ADCY2: variants seen among roughly 807,000 people sequenced by gnomAD.
ADCY2 encodes the protein adenylate cyclase type 2.
A neutral mutation model predicts 125.2 loss-of-function variants in ADCY2; 31 were observed. The ratio of observed to expected loss-of-function variants is 0.25; its 90% CI spans 0.19 to 0.33. The LOEUF (loss-of-function observed/expected upper bound fraction) is 0.33. ADCY2 is among the 10% of genes least tolerant of loss of function. The pLI is 1.00. For missense variants in ADCY2, 904 were observed against 1,418.2 expected (o/e 0.64, Z 5.82); for synonymous variants, 512 against 548.4 (o/e 0.93, Z 0.93).
chr5:7,499,995 G>A (rs1047016103), intron 2 of ADCY2, among the ~76,000 whole-genome samples: 3 of 152,048 alleles, frequency 2.0e-5, no homozygotes, highest in Admixed American at 2.0e-4. Flanking sequence ...AAGTGATTCC[G>A]GAAGGCTAAC....
At chr5:7,826,666 G>A (rs1204478236) in intron 24 of ADCY2, 53 bp from the exon 25 acceptor site, 2 of 1,612,642 alleles carry the variant, frequency 1.2e-6, no homozygotes, top group African/African-American at 1.3e-5. Flanking sequence ...AGTCAGATGG[G>A]TTGTATCAAT....
chr5:7,567,784 A>G (rs766912369), intron 3 of ADCY2, among the ~76,000 whole-genome samples: 1 of 152,178 alleles, frequency 6.6e-6, no homozygotes, highest in Non-Finnish European at 1.5e-5. Flanking sequence ...TATTCAACAC[A>G]CATTTTCTTA....
At chr5:7,720,384 G>A (rs1741720093) in intron 12 of ADCY2, among the ~76,000 whole-genome samples, 1 of 152,198 alleles carries the variant, frequency 6.6e-6, no homozygotes, top group South Asian at 2.1e-4. Flanking sequence ...ACAGCATGAT[G>A]TGTTCAGCAA....
chr5:7,813,887 C>T (rs1745018564), intron 22 of ADCY2, among the ~76,000 whole-genome samples: 1 of 152,180 alleles, frequency 6.6e-6, no homozygotes, highest in Admixed American at 6.5e-5. Flanking sequence ...GTCCTCCTTA[C>T]TTGGGCAGTT....
intron 4 of ADCY2, among the ~76,000 whole-genome samples, chr5:7,654,499 A>G (rs1290259915): frequency 1.3e-5 from 2 of 152,176 alleles, no homozygotes; most frequent in East Asian, 3.9e-4. Context: ...GGTTCCTTCC[A>G]TGAAGCTCTG....
chr5:7,466,202 A>T (rs1043712038), intron 2 of ADCY2, among the ~76,000 whole-genome samples: 6 of 152,254 alleles, frequency 3.9e-5, no homozygotes, highest in African/African-American at 1.4e-4. Flanking sequence ...GCCATATCTT[A>T]TATATTTTTT....
chr5:7,593,667 T>A (rs1167365813), intron 3 of ADCY2, among the ~76,000 whole-genome samples: 1 of 152,172 alleles, frequency 6.6e-6, no homozygotes, highest in African/African-American at 2.4e-5. Context: ...CATTCAAAAA[T>A]ATCCATTCAA....
At chr5:7,668,182 T>C (rs1179051111) in intron 4 of ADCY2, among the ~76,000 whole-genome samples, 1 of 152,246 alleles carries the variant, frequency 6.6e-6, no homozygotes, top group African/African-American at 2.4e-5. Flanking sequence ...CTAGATGTTT[T>C]TGTGAAGGTT....
intron 4 of ADCY2, among the ~76,000 whole-genome samples, chr5:7,645,278 A>G (rs1349312877): frequency 6.6e-6 from 1 of 152,208 alleles, no homozygotes; most frequent in Non-Finnish European, 1.5e-5. Context: ...AGTGCTTTAT[A>G]TCAGGATAGA....
intron 4 of ADCY2, among the ~76,000 whole-genome samples, chr5:7,680,699 G>A (rs1740300804): frequency 6.6e-6 from 1 of 152,150 alleles, no homozygotes; most frequent in African/African-American, 2.4e-5. Context: ...AAGTAAACTT[G>A]AGTTTTCATC....
At chr5:7,514,573 A>C (rs142388583) in intron 2 of ADCY2, among the ~76,000 whole-genome samples, 2 of 152,202 alleles carry the variant, frequency 1.3e-5, no homozygotes, top group Non-Finnish European at 2.9e-5. Flanking sequence ...ACATATATTG[A>C]AGTCCTAATC....
rs1302799082 is a variant in ADCY2 at position 7,827,829 on chromosome 5, C to G, written c.*958C>G. 3 of 152,392 alleles carry G rather than the reference C, an allele frequency of 2.0e-5. No homozygotes were observed. The highest frequency in any genetic ancestry group is 7.2e-5 in the African/African-American group (3 of 41,468). 9.4% of individuals were successfully genotyped at this position (152,392 alleles called of 1,614,324 possible). On this transcript the variant is annotated 3_prime_UTR_variant, in exon 25 of 25. Transcript: ENST00000338316. ...AATACTTTAATAGTAAAAAGATTCTCTGCGAGCAACAGTGCCCCCTCCGTC... is the reference window on the plus strand; with the variant it reads ...AATACTTTAATAGTAAAAAGATTCTGTGCGAGCAACAGTGCCCCCTCCGTC...
At chr5:7,434,011 A>T (rs2126382641) in intron 2 of ADCY2, among the ~76,000 whole-genome samples, 1 of 152,354 alleles carries the variant, frequency 6.6e-6, no homozygotes, top group South Asian at 2.1e-4. Flanking sequence ...GCAAACTAGT[A>T]AAGTTTTCAA....
At chr5:7,615,716 C>G (rs1737732742) in intron 3 of ADCY2, among the ~76,000 whole-genome samples, 1 of 152,132 alleles carries the variant, frequency 6.6e-6, no homozygotes, top group Non-Finnish European at 1.5e-5. Context: ...GCTCAGCAAA[C>G]TACTCTTGAG....
At chr5:7,564,809 C>G (rs1735837283) in intron 3 of ADCY2, among the ~76,000 whole-genome samples, 1 of 152,120 alleles carries the variant, frequency 6.6e-6, no homozygotes, top group East Asian at 1.9e-4. Flanking sequence ...GAATGTCACC[C>G]CAAAGCAAGC....
intron 11 of ADCY2, among the ~76,000 whole-genome samples, chr5:7,716,546 A>G (rs1391263517): frequency 2.0e-5 from 3 of 152,258 alleles, no homozygotes; most frequent in Non-Finnish European, 2.9e-5. Context: ...ATAAGGACAC[A>G]TCTTTACTAT....
intron 3 of ADCY2, among the ~76,000 whole-genome samples, chr5:7,620,600 T>C (rs1365609688): frequency 6.6e-6 from 1 of 152,140 alleles, no homozygotes; most frequent in Non-Finnish European, 1.5e-5. Flanking sequence ...GCTAAGGAGA[T>C]GGGATTGGGA....
At chr5:7,538,457 G>T (rs936073345) in intron 3 of ADCY2, among the ~76,000 whole-genome samples, 1 of 152,110 alleles carries the variant, frequency 6.6e-6, no homozygotes, top group South Asian at 2.1e-4. Flanking sequence ...AACGGTGGCT[G>T]TTTATTAGGT....
intron 20 of ADCY2, chr5:7,799,705 G>A (rs1744532448): frequency 6.6e-6 from 1 of 152,270 alleles, no homozygotes; most frequent in African/African-American, 2.4e-5. Context: ...CTTAATCAAG[G>A]CTGAACAGCA....
Sources: allele counts gnomAD v4.1 joint callset (sites outside exome capture counted in the v4.1 genomes callset), GRCh38; gene constraint gnomAD v4.1.1; transcripts MANE v1.5; gene names NCBI Gene and HGNC (gene_info 2026-07-23, HGNC 2026-07-21).